NDUFA10: variants seen among roughly 807,000 people sequenced by gnomAD.
NDUFA10 encodes the protein NADH dehydrogenase [ubiquinone] 1 alpha subcomplex subunit 10, mitochondrial.
NDUFA10 carries 40 observed loss-of-function variants against 47.8 expected under a neutral mutation model. The ratio of observed to expected loss-of-function variants is 0.84; its 90% CI spans 0.65 to 1.09. NDUFA10 has a LOEUF of 1.09. Ranked by LOEUF, NDUFA10 falls within the 50% of genes least tolerant of loss-of-function variation. The pLI is 0.00. For missense variants in NDUFA10, 413 were observed against 451.1 expected (o/e 0.92, Z 0.76); for synonymous variants, 183 against 172.2 (o/e 1.06, Z -0.49).
intron 6 of NDUFA10, among the ~76,000 whole-genome samples, chr2:240,010,688 C>T (rs1319019620): frequency 1.3e-5 from 2 of 151,924 alleles, no homozygotes; most frequent in Non-Finnish European, 2.9e-5. Context: ...TTAATACTTA[C>T]GGTACAGAAA....
intron 9 of NDUFA10, 43 bp from the exon 10 acceptor site, chr2:239,961,229 T>C (rs767102118): frequency 1.1e-5 from 17 of 1,613,772 alleles, no homozygotes; most frequent in Middle Eastern, 1.6e-4. Flanking sequence ...TTAACGTGAA[T>C]GAATGTTTCC....
rs546433533 is a variant in NDUFA10 at position 239,959,849 on chromosome 2, G to A, written c.*1269C>T. 33 of 962,360 alleles carry A rather than the reference G, an allele frequency of 3.4e-5. No homozygotes were observed. Among genetic ancestry groups the A allele is most frequent in the Non-Finnish European group, 4.0e-5 (32 of 809,028 alleles). The allele number at this position is 962,360 out of a possible 1,614,324, so 59.6% of individuals were successfully genotyped here. A position where few individuals can be genotyped will look rare whatever the true frequency, so the allele number is the denominator to read the frequency against. On this transcript the variant is annotated 3_prime_UTR_variant, in exon 10 of 10. Transcript: ENST00000252711. The stretch of plus-strand genomic sequence containing the variant: ...AGGAGGAAAGAAGGAGGGAAGGAAG[G>A]GGAGAGGGAAAAAGGCAGGCGGACG...
At chr2:239,915,017 CAG>C (rs1456360792) in intron 4 of NDUFA10, among the ~76,000 whole-genome samples, 5 of 130,284 alleles carry the variant, frequency 3.8e-5, no homozygotes, top group African/African-American at 3.1e-5. Context: ...GAGAGACACA[CAG>C]AGATACACAT....
chr2:239,973,328 G>T lies in NDUFA10; in HGVS notation c.1000-12142C>A, dbSNP rs761761632. 2.0e-5 allele frequency among the ~76,000 whole-genome samples: 3 copies of T among 152,212 alleles called. No homozygotes were observed. The South Asian group carries it at 6.2e-4, about 32-fold the overall frequency. On this transcript the variant is annotated intron_variant, in intron 9 of 9. Coordinates refer to ENST00000252711, the MANE Select transcript of NDUFA10 (RefSeq NM_004544.4). ...AGTCACGTCTGGCCTTCCGTCTCCC[G>T]CATGTTTAGGTAAACTGATCCTAGT...
chr2:240,020,721 G>A (rs554417038), intron 3 of NDUFA10, among the ~76,000 whole-genome samples: 3 of 152,146 alleles, frequency 2.0e-5, no homozygotes, highest in South Asian at 2.1e-4. Context: ...GCCTCCCCCC[G>A]TCATCTTATC....
intron 9 of NDUFA10, among the ~76,000 whole-genome samples, chr2:239,985,880 C>T (rs991490721): frequency 1.1e-4 from 16 of 148,012 alleles, no homozygotes; most frequent in South Asian, 1.1e-3. Context: ...CACTGCACTC[C>T]AGCCTGGGTG....
chr2:239,915,671 A>C (rs1693853902), intron 4 of NDUFA10, among the ~76,000 whole-genome samples: 1 of 150,666 alleles, frequency 6.6e-6, no homozygotes, highest in East Asian at 2.0e-4. Context: ...TGCACACACA[A>C]ACATATACAC....
In NDUFA10 at chr2:240,021,368, T is replaced by C. The variant is rs1220755597; in HGVS notation, c.289A>G (p.Thr97Ala). The change falls in exon 3 of 10, where the codon ACC (threonine) becomes GCC (alanine). Residue 97 changes from threonine (T) to alanine (A), a missense_variant. Coordinates refer to ENST00000252711, the MANE Select transcript of NDUFA10 (RefSeq NM_004544.4). ...PEAGIHYPDS[T>A]TGDGKPLATD... The stretch of plus-strand genomic sequence containing the variant: ...GCGAGGGGCTTCCCATCTCCTGTGG[T>C]ACTGTCTGGATAATGAATCCCCGCT... The C allele has an allele frequency of 6.2e-7, 1 of 1,614,200 alleles. No individual in the cohort carries two copies. Among genetic ancestry groups the C allele is most frequent in the Admixed American group, 1.7e-5 (1 of 60,030 alleles).
In NDUFA10 at chr2:239,995,728, G is replaced by C. The variant is rs77991277; in HGVS notation, c.891-5546C>G. 8.5e-3 allele frequency among the ~76,000 whole-genome samples: 1,288 copies of C among 152,180 alleles called. 17 individuals carry two copies. Among genetic ancestry groups the C allele is most frequent in the African/African-American group, 0.03 (1,228 of 41,506 alleles). On this transcript the variant is annotated intron_variant, in intron 8 of 9. Transcript: ENST00000252711. ...CTATCTACAAGAAAACTAAAGACTCGAGATAGAAGAGGAAAAAAGACACAC... is the reference window on the plus strand; with the variant it reads ...CTATCTACAAGAAAACTAAAGACTCCAGATAGAAGAGGAAAAAAGACACAC...
At chr2:239,950,184 T>G (rs57451380) in intron 4 of NDUFA10, among the ~76,000 whole-genome samples, 13,605 of 152,240 alleles carry the variant, frequency 0.089, 671 homozygotes, top group East Asian at 0.16. Context: ...CCATGCTGTG[T>G]GGCTTTGGTC....
chr2:239,917,168 G>A (rs111740186), intron 4 of NDUFA10, among the ~76,000 whole-genome samples: 13 of 151,754 alleles, frequency 8.6e-5, no homozygotes, highest in African/African-American at 3.2e-4. Flanking sequence ...GGAAGCCAGA[G>A]TGAGGTGGGA....
intron 5 of NDUFA10, chr2:240,011,929 C>A: frequency 1.8e-6 from 1 of 552,940 alleles, no homozygotes; most frequent in Non-Finnish European, 3.3e-6. Context: ...GTGACTTTCT[C>A]CACACATTCT....
At position 240,001,455 on chromosome 2, in the gene NDUFA10, C is replaced by A. The variant is rs537475693; in HGVS notation, c.890+3755G>T. On this transcript the variant is annotated intron_variant, in intron 8 of 9. Transcript: ENST00000252711. ...AAATTATTCCCACATTTAATCCCCACAACAGTCCTATGAGGTAGCTTCTAT... is the reference window on the plus strand; with the variant it reads ...AAATTATTCCCACATTTAATCCCCAAAACAGTCCTATGAGGTAGCTTCTAT... 2.7e-3 allele frequency among the ~76,000 whole-genome samples: 415 copies of A among 152,264 alleles called. 3 individuals are homozygous for A. The highest frequency in any genetic ancestry group is 2.8e-3 in the Non-Finnish European group (192 of 68,028).
intron 8 of NDUFA10, among the ~76,000 whole-genome samples, chr2:239,996,320 G>A (rs545070186): frequency 6.6e-6 from 1 of 152,264 alleles, no homozygotes; most frequent in East Asian, 1.9e-4. Context: ...TGTAAATGGA[G>A]AGAAATCATA....
intron 4 of NDUFA10, among the ~76,000 whole-genome samples, chr2:240,018,203 T>C (rs1697443735): frequency 6.6e-6 from 1 of 152,112 alleles, no homozygotes; most frequent in Admixed American, 6.5e-5. Context: ...AACTGGAAAG[T>C]CTGTTACAAT....
intron 8 of NDUFA10, among the ~76,000 whole-genome samples, chr2:239,993,912 G>A (rs1696359122): frequency 6.6e-6 from 1 of 152,098 alleles, no homozygotes; most frequent in Non-Finnish European, 1.5e-5. Context: ...AAGGCAAGAT[G>A]GCCCAGGGCA....
intron 4 of NDUFA10, among the ~76,000 whole-genome samples, chr2:239,935,658 C>G (rs539576867): frequency 6.6e-6 from 1 of 152,164 alleles, no homozygotes; most frequent in Non-Finnish European, 1.5e-5. Flanking sequence ...GTGGGAGGGA[C>G]CTGGTGGGAG....
intron 3 of NDUFA10, among the ~76,000 whole-genome samples, chr2:240,019,815 T>G (rs1697538093): frequency 9.1e-6 from 1 of 109,794 alleles, no homozygotes; most frequent in Admixed American, 1.0e-4. Flanking sequence ...CGAGACTCCG[T>G]CTCAAAAAAA....
chr2:239,895,806 G>A (rs1177595337), intron 4 of NDUFA10, among the ~76,000 whole-genome samples: 8 of 152,178 alleles, frequency 5.3e-5, no homozygotes, highest in Non-Finnish European at 1.2e-4. Flanking sequence ...ACTAAACCAA[G>A]GGTTTTGATT....
Sources: allele counts gnomAD v4.1 joint callset (sites outside exome capture counted in the v4.1 genomes callset), GRCh38; gene constraint gnomAD v4.1.1; transcripts MANE v1.5; gene names NCBI Gene and HGNC (gene_info 2026-07-23, HGNC 2026-07-21).